The following SDK1 variants were observed in gnomAD, a reference collection of about 807,000 sequenced individuals.
SDK1 encodes sidekick cell adhesion molecule 1, also known as protein sidekick-1.
SDK1 carries 157 observed loss-of-function variants against 245.5 expected under a neutral mutation model. The observed-to-expected ratio is 0.64, with a 90% CI of 0.56 to 0.73. The LOEUF is 0.73. SDK1 is among the 30% of genes least tolerant of loss of function. The probability of loss-of-function intolerance (pLI) is 0.00; values close to 1 mark genes in which losing one functional copy is unlikely to be tolerated. For synonymous variants in SDK1, 1,647 were observed against 1,278.5 expected (o/e 1.29, Z -6.15); for missense variants, 3,583 against 3,002.3 (o/e 1.19, Z -4.52).
intron 4 of SDK1, among the ~76,000 whole-genome samples, chr7:3,815,544 A>T (rs1378319602): frequency 6.7e-6 from 1 of 148,406 alleles, no homozygotes; most frequent in South Asian, 2.2e-4. Context: ...TTTTGCATCA[A>T]TGTTCATCAA....
chr7:3,468,294 T>C (rs1781072691), intron 1 of SDK1, among the ~76,000 whole-genome samples: 1 of 152,202 alleles, frequency 6.6e-6, no homozygotes, highest in African/African-American at 2.4e-5. Flanking sequence ...GTGGTTAATA[T>C]GATTTTATTA....
chr7:3,877,190 G>T (rs963172879), intron 5 of SDK1, among the ~76,000 whole-genome samples: 14 of 152,310 alleles, frequency 9.2e-5, no homozygotes, highest in African/African-American at 3.4e-4. Flanking sequence ...TGGTCTTTCA[G>T]TCCCTAAACC....
intron 1 of SDK1, among the ~76,000 whole-genome samples, chr7:3,523,022 G>T (rs542497794): frequency 1.2e-4 from 4 of 33,068 alleles, no homozygotes; most frequent in African/African-American, 2.8e-4. Context: ...ATACAAAATC[G>T]TAAATTGGTA....
intron 1 of SDK1, among the ~76,000 whole-genome samples, chr7:3,501,432 G>T (rs1241101437): frequency 1.3e-5 from 2 of 151,984 alleles, no homozygotes; most frequent in African/African-American, 4.8e-5. Context: ...GGTTCCGAGT[G>T]ACAGCCTAAG....
At chr7:3,572,068 C>A (rs1034708042) in intron 1 of SDK1, among the ~76,000 whole-genome samples, 3 of 151,990 alleles carry the variant, frequency 2.0e-5, no homozygotes, top group Admixed American at 2.0e-4. Context: ...TGAAAGGACA[C>A]CCTTTAAAAT....
intron 19 of SDK1, among the ~76,000 whole-genome samples, chr7:4,055,660 T>C (rs1237583457): frequency 1.3e-5 from 2 of 152,092 alleles, no homozygotes; most frequent in African/African-American, 4.8e-5. Context: ...ATAATTTCCT[T>C]CCTCTGCTTG....
chr7:3,779,109 T>A (rs1780649592), intron 4 of SDK1, among the ~76,000 whole-genome samples: 1 of 152,244 alleles, frequency 6.6e-6, no homozygotes, highest in Admixed American at 6.5e-5. Flanking sequence ...TCTGCGGAGT[T>A]TCTTTTCTGA....
intron 4 of SDK1, among the ~76,000 whole-genome samples, chr7:3,678,460 A>G (rs1215937465): frequency 1.3e-5 from 2 of 152,236 alleles, no homozygotes; most frequent in East Asian, 3.8e-4. Flanking sequence ...GCTTTGAAAA[A>G]TGCTGCATCA....
At chr7:3,604,647 G>T (rs1441520188) in intron 1 of SDK1, among the ~76,000 whole-genome samples, 3 of 143,868 alleles carry the variant, frequency 2.1e-5, no homozygotes, top group Admixed American at 7.1e-5. Context: ...TTGTTGCCCA[G>T]GCTGGAGTGC....
intron 1 of SDK1, among the ~76,000 whole-genome samples, chr7:3,308,273 A>G (rs180826467): frequency 6.6e-6 from 1 of 152,308 alleles, no homozygotes; most frequent in East Asian, 1.9e-4. Flanking sequence ...AGAAACTTAA[A>G]AAGATATGAG....
At chr7:3,709,749 C>G (rs1384115900) in intron 4 of SDK1, among the ~76,000 whole-genome samples, 1 of 152,150 alleles carries the variant, frequency 6.6e-6, no homozygotes, top group African/African-American at 2.4e-5. Context: ...TGAAATTGGG[C>G]TTTTGAAACA....
At chr7:3,869,603 C>G (rs992057192) in intron 5 of SDK1, among the ~76,000 whole-genome samples, 2 of 152,228 alleles carry the variant, frequency 1.3e-5, no homozygotes, top group Non-Finnish European at 2.9e-5. Context: ...AGCTCCTCCC[C>G]TCCCTGCTTG....
At chr7:4,035,369 T>C (rs1788136910) in intron 17 of SDK1, among the ~76,000 whole-genome samples, 1 of 152,218 alleles carries the variant, frequency 6.6e-6, no homozygotes, top group Admixed American at 6.5e-5. Flanking sequence ...AATTGTATAC[T>C]GAGTTGGTGG....
chr7:3,409,812 C>G lies in SDK1; in HGVS notation c.298+107928C>G, dbSNP rs28396741. Among the ~76,000 whole-genome samples, 419 of 152,192 alleles carry G rather than the reference C, an allele frequency of 2.8e-3. 2 individuals are homozygous for G. The highest frequency in any genetic ancestry group is 9.6e-3 in the African/African-American group (400 of 41,488). ...TTGAGGTGTGGAGTTTGATTTTTGA[C>G]ATTCTTGTGTTTGTGTTGGTAAGAC... On this transcript the variant is annotated intron_variant, in intron 1 of 44. Coordinates refer to ENST00000404826, the MANE Select transcript of SDK1 (RefSeq NM_152744.4).
chr7:3,694,047 T>A (rs1784507047), intron 4 of SDK1, among the ~76,000 whole-genome samples: 1 of 152,190 alleles, frequency 6.6e-6, no homozygotes, highest in Non-Finnish European at 1.5e-5. Flanking sequence ...GGAGTATTTG[T>A]CATAGTTCAC....
intron 4 of SDK1, among the ~76,000 whole-genome samples, chr7:3,672,094 G>A (rs987965974): frequency 6.6e-6 from 1 of 152,114 alleles, no homozygotes; most frequent in African/African-American, 2.4e-5. Context: ...CTGAGGTCTT[G>A]GAGGAGTTTT....
chr7:4,226,655 T>TGGCCC (rs1260277665), intron 40 of SDK1, among the ~76,000 whole-genome samples: 1 of 152,232 alleles, frequency 6.6e-6, no homozygotes, highest in South Asian at 2.1e-4. Flanking sequence ...CAGCATGGCC[T>TGGCCC]GGCCCACACG....
intron 1 of SDK1, among the ~76,000 whole-genome samples, chr7:3,534,230 C>CT (rs140143315): frequency 0.032 from 4,829 of 152,016 alleles, 103 homozygotes; most frequent in Middle Eastern, 0.055. Flanking sequence ...GGATTTCGCT[C>CT]TTTTTTTTAA....
intron 5 of SDK1, among the ~76,000 whole-genome samples, chr7:3,923,692 G>C (rs1201950805): frequency 1.3e-5 from 2 of 152,230 alleles, no homozygotes; most frequent in Non-Finnish European, 2.9e-5. Flanking sequence ...CCACAGCAAG[G>C]GTGAGCCAGG....
Sources: gnomAD v4.1 joint callset for allele counts (sites outside exome capture counted in the v4.1 genomes callset) on GRCh38, gnomAD v4.1.1 for gene constraint, MANE v1.5 for transcripts, NCBI Gene and HGNC (gene_info 2026-07-23, HGNC 2026-07-21) for gene names.